Variants in TG observed in about 807,000 individuals in gnomAD.
The protein encoded by TG is thyroid hormones.
In TG, 270 loss-of-function variants were observed where a neutral mutation model predicts 324.7. The observed-to-expected ratio is 0.83, with a 90% CI of 0.75 to 0.92. TG has a LOEUF of 0.92. Among genes scored for constraint, TG ranks in the 40% least tolerant of loss-of-function variants. The pLI, the probability that TG is intolerant of heterozygous loss-of-function variation, is 0.00. For synonymous variants in TG, 1,401 were observed against 1,327.0 expected (o/e 1.06, Z -1.21); for missense variants, 3,591 against 3,456.4 (o/e 1.04, Z -0.98).
In TG at chr8:133,113,700, G is replaced by A. The variant is rs963705265; in HGVS notation, c.7754+97G>A. On this transcript the variant is annotated intron_variant, in intron 44 of 47. Coordinates refer to ENST00000220616, the MANE Select transcript of TG (RefSeq NM_003235.5). ...CATGAATGAGAAATAAAGGCACGTG[G>A]CTTTGTGCTTGAGGTTTCCTCTGCA... is the stretch of plus-strand genomic sequence containing the variant. 8 of 1,395,148 alleles carry A rather than the reference G, an allele frequency of 5.7e-6. No individual in the cohort carries two copies. The African/African-American group carries it at 1.1e-4, about 20-fold the overall frequency. The allele number at this position is 1,395,148 out of a possible 1,614,324, so 86.4% of individuals were successfully genotyped here.
chr8:133,022,263 C>T (rs925094730), intron 40 of TG, 113 bp downstream of exon 40: 10 of 1,455,878 alleles, frequency 6.9e-6, no homozygotes, highest in Admixed American at 6.8e-5. Flanking sequence ...AAGCTAGGCA[C>T]ACAGTGGAAA....
At chr8:132,921,113 G>A (rs116284101) in intron 21 of TG, among the ~76,000 whole-genome samples, 2,223 of 152,270 alleles carry the variant, frequency 0.015, 60 homozygotes, top group African/African-American at 0.052. Flanking sequence ...ACAACATCGT[G>A]GGGGCTGCAC....
In TG at chr8:132,888,349, G is replaced by A. The variant is rs774488860; in HGVS notation, c.2542G>A (p.Ala848Thr). 6.2e-7 allele frequency: 1 copy of A among 1,614,190 alleles called. No individual in the cohort carries two copies. Among genetic ancestry groups the A allele is most frequent in the Non-Finnish European group, 8.5e-7 (1 of 1,180,056 alleles). ...QYPSLQDVPL[A>T]ALEGKRPQPR... ...CCCTTCTCTGCAAGATGTCCCACTA[G>A]CAGCACTGGAAGGGAAACGGCCCCA... The change falls in exon 10 of 48, where the codon GCA becomes ACA. Residue 848 changes from alanine to threonine, a missense_variant. Coordinates refer to ENST00000220616, the MANE Select transcript of TG (RefSeq NM_003235.5).
rs76456718 is a variant in TG, at chr8:132,953,159, A to G, written c.5401+4216A>G. Among the ~76,000 whole-genome samples, 48 of 152,334 alleles carry G rather than the reference A, an allele frequency of 3.2e-4. 1 individual carries two copies. The East Asian group carries it at 9.1e-3, about 29-fold the overall frequency. On this transcript the variant is annotated intron_variant, in intron 27 of 47. Transcript: ENST00000220616. ...TACAGGGCTGTTGGGAGAAGGGAACAGAAGATTCAGGAAAGCTGTAGGGTC... is the reference window on the plus strand; with the variant it reads ...TACAGGGCTGTTGGGAGAAGGGAACGGAAGATTCAGGAAAGCTGTAGGGTC...
chr8:132,898,983 C>G, intron 14 of TG, 73 bp downstream of exon 14: 1 of 1,292,862 alleles, frequency 7.7e-7, no homozygotes, highest in Non-Finnish European at 1.1e-6. Context: ...TCTTTTTGTT[C>G]AATACGTTCA....
intron 43 of TG, among the ~76,000 whole-genome samples, chr8:133,109,177 C>T (rs941465717): frequency 5.3e-5 from 8 of 152,116 alleles, no homozygotes; most frequent in African/African-American, 1.9e-4. Flanking sequence ...CTGAGCAAAA[C>T]CTGGATTTTC....
At chr8:133,094,242 C>G (rs1053293995) in intron 41 of TG, among the ~76,000 whole-genome samples, 5 of 126,556 alleles carry the variant, frequency 4.0e-5, no homozygotes, top group South Asian at 2.8e-4. Context: ...CTGTCGTTTT[C>G]TTTTTTTTTT....
Position 132,882,536 on chromosome 8 carries a change from C to G in TG, c.813C>G (p.Phe271Leu). Residue 271 changes from phenylalanine (F) to leucine (L), a missense_variant, in exon 7 of 48, where the codon TTC becomes TTG. Transcript: ENST00000220616. ...CTGGCCTGGACCTTCCTTCCACCTT[C>G]ACTGAAACCACCCTGTACCGGATAC... ...IFAGLDLPST[F>L]TETTLYRILQ... The G allele has an allele frequency of 6.2e-7, 1 of 1,614,254 alleles. No individual in the cohort carries two copies. Among genetic ancestry groups the G allele is most frequent in the Non-Finnish European group, 8.5e-7 (1 of 1,180,048 alleles).
At position 133,047,732 on chromosome 8, in the gene TG, C is replaced by T. The variant is rs545221868; in HGVS notation, c.7239+17709C>T. ...ACTACATTGGATCAATTTGCATGGACGTAGGAGGAAGGAAAATGAAGCCGT... is the reference window on the plus strand; with the variant it reads ...ACTACATTGGATCAATTTGCATGGATGTAGGAGGAAGGAAAATGAAGCCGT... On this transcript the variant is annotated intron_variant, in intron 41 of 47. Coordinates refer to ENST00000220616, the MANE Select transcript of TG (RefSeq NM_003235.5). The T allele has an allele frequency of 1.8e-4, 138 of 776,152 alleles. 2 individuals are homozygous for T. The highest frequency in any genetic ancestry group is 1.1e-3 in the South Asian group (77 of 71,980). 48.1% of individuals were successfully genotyped at this position (776,152 alleles called of 1,614,324 possible).
intron 5 of TG, among the ~76,000 whole-genome samples, chr8:132,879,302 A>C (rs1223450528): frequency 6.6e-6 from 1 of 152,134 alleles, no homozygotes; most frequent in Non-Finnish European, 1.5e-5. Context: ...TGGTAGTCTC[A>C]CCCTTTGGCC....
intron 43 of TG, chr8:133,102,567 G>T: frequency 6.4e-7 from 1 of 1,551,524 alleles, no homozygotes. Flanking sequence ...GGAGCATCAG[G>T]GCTGCCTGAG....
chr8:132,969,664 G>A (rs1733673785), intron 32 of TG, 95 bp downstream of exon 32: 18 of 1,000,294 alleles, frequency 1.8e-5, no homozygotes, highest in Non-Finnish European at 2.7e-5. Flanking sequence ...AGCATACCCA[G>A]CACTTTGGGA....
At chr8:133,100,453 G>A (rs1849068520) in intron 43 of TG, among the ~76,000 whole-genome samples, 1 of 152,166 alleles carries the variant, frequency 6.6e-6, no homozygotes, top group South Asian at 2.1e-4. Flanking sequence ...TAGACAAATT[G>A]CACACAGCAG....
Position 132,948,887 on chromosome 8 carries a change from A to G in TG, c.5345A>G (p.Tyr1782Cys). 6.2e-7 allele frequency: 1 copy of G among 1,613,982 alleles called. No homozygotes were observed. The highest frequency in any genetic ancestry group is 8.5e-7 in the Non-Finnish European group (1 of 1,179,944). The change falls in exon 27 of 48, where the codon TAT (tyrosine) becomes TGT (cysteine). Residue 1782 changes from tyrosine to cysteine, a missense_variant. Physicochemically the swap from Tyr to Cys is radical, Grantham distance 194 (BLOSUM62 -2). Coordinates refer to ENST00000220616, the MANE Select transcript of TG (RefSeq NM_003235.5). ...AATGCTACATGTCCTGGTGTGACATATGACCAGGAGAGCCACCAGGTGATA... is the reference window on the plus strand; with the variant it reads ...AATGCTACATGTCCTGGTGTGACATGTGACCAGGAGAGCCACCAGGTGATA... The part of the protein sequence containing the change: ...WANATCPGVT[Y>C]DQESHQVILR...
At chr8:132,885,531 C>A (rs1045722943) in intron 8 of TG, among the ~76,000 whole-genome samples, 2 of 152,014 alleles carry the variant, frequency 1.3e-5, no homozygotes, top group African/African-American at 4.8e-5. Context: ...CTCAAGGAGA[C>A]CATAGCTAGC....
intron 35 of TG, chr8:133,002,746 C>A: frequency 4.0e-6 from 1 of 249,972 alleles, no homozygotes; most frequent in South Asian, 5.5e-5. Flanking sequence ...TTTTTCTGAT[C>A]ATTTTCCTTC....
intron 43 of TG, among the ~76,000 whole-genome samples, chr8:133,113,060 G>A (rs900447709): frequency 1.8e-4 from 28 of 152,142 alleles, no homozygotes; most frequent in African/African-American, 4.8e-5. Flanking sequence ...CAAGGAGCCC[G>A]GGAAAGCAAG....
intron 27 of TG, among the ~76,000 whole-genome samples, chr8:132,957,862 T>C (rs1439492826): frequency 6.6e-6 from 1 of 152,080 alleles, no homozygotes; most frequent in Admixed American, 6.6e-5. Context: ...TTAGTGGTGA[T>C]TTGTGAGATT....
At chr8:133,036,967 T>A (rs1161071259) in intron 41 of TG, 2 of 152,338 alleles carry the variant, frequency 1.3e-5, no homozygotes, top group Non-Finnish European at 2.9e-5. Context: ...ATACGTTGGC[T>A]GGTTCCTTTG....
Sources: allele counts gnomAD v4.1 joint callset (sites outside exome capture counted in the v4.1 genomes callset), GRCh38; gene constraint gnomAD v4.1.1; transcripts MANE v1.5; gene names NCBI Gene and HGNC (gene_info 2026-07-23, HGNC 2026-07-21).